The following ACACA variants were observed in gnomAD, a reference collection of about 807,000 sequenced individuals.
ACACA encodes acetyl-CoA carboxylase alpha.
ACACA carries 103 observed loss-of-function variants against 296.1 expected under a neutral mutation model. The observed-to-expected ratio is 0.35, with a 90% CI of 0.30 to 0.41. The LOEUF is 0.41. ACACA is among the 10% of genes least tolerant of loss of function. The pLI is 1.00. For missense variants in ACACA, 1,554 were observed against 2,989.7 expected (o/e 0.52, Z 11.20); for synonymous variants, 953 against 1,038.6 (o/e 0.92, Z 1.58).
chr17:37,089,889 G>A (rs888808341), intron 54 of ACACA, among the ~76,000 whole-genome samples: 1 of 152,076 alleles, frequency 6.6e-6, no homozygotes, highest in Non-Finnish European at 1.5e-5. Flanking sequence ...GAATCGTTTT[G>A]TTAATGGTTT....
intron 45 of ACACA, among the ~76,000 whole-genome samples, chr17:37,137,335 G>C (rs962655971): frequency 1.2e-4 from 18 of 152,188 alleles, no homozygotes; most frequent in Non-Finnish European, 2.5e-4. Context: ...GCTCTTAGGG[G>C]AGTAGCACTG....
intron 41 of ACACA, among the ~76,000 whole-genome samples, chr17:37,169,129 T>C (rs888060676): frequency 1.3e-5 from 2 of 152,182 alleles, no homozygotes; most frequent in African/African-American, 2.4e-5. Flanking sequence ...TAGGAACACA[T>C]GGTGTCAACA....
At chr17:37,320,737 A>C (rs2047316897) in intron 3 of ACACA, among the ~76,000 whole-genome samples, 1 of 151,902 alleles carries the variant, frequency 6.6e-6, no homozygotes, top group Admixed American at 6.6e-5. Flanking sequence ...ACCTGAGGTC[A>C]GGGGTTCGAG....
At position 37,113,162 on chromosome 17, in the gene ACACA, C is replaced by T. The variant is rs1357103825; in HGVS notation, c.6378G>A (p.Arg2126=). 2 of 1,614,058 alleles carry T rather than the reference C, an allele frequency of 1.2e-6. No homozygotes were observed. Among genetic ancestry groups the T allele is most frequent in the African/African-American group, 2.7e-5 (2 of 74,928 alleles). The change falls in exon 51 of 56, where the codon CGG becomes CGA. Residue 2126 remains arginine, a synonymous_variant. Coordinates refer to ENST00000616317, the MANE Select transcript of ACACA (RefSeq NM_198834.3). The surrounding 1 kb of genome is among the most constrained non-coding windows in gnomAD (Gnocchi z 4.0). ...AGTCAATCACCACCCAGGAGCCACC[C>T]CGCAGCTCAGCCTGGGGAGGAATGT... ...LVYIPPQAEL[R]GGSWVVIDSS...
chr17:37,354,570 T>C (rs767439109), intron 1 of ACACA, among the ~76,000 whole-genome samples: 12 of 152,196 alleles, frequency 7.9e-5, no homozygotes, highest in Non-Finnish European at 1.6e-4. Flanking sequence ...ACCTGTTTAA[T>C]ATCACCTTCA....
intron 1 of ACACA, among the ~76,000 whole-genome samples, chr17:37,343,164 G>C (rs1486300065): frequency 6.6e-6 from 1 of 151,934 alleles, no homozygotes; most frequent in Non-Finnish European, 1.5e-5. Context: ...TTTTAGTAGA[G>C]ACGGCGTTTC....
intron 10 of ACACA, among the ~76,000 whole-genome samples, chr17:37,266,831 T>C (rs894806807): frequency 9.9e-5 from 15 of 152,232 alleles, no homozygotes; most frequent in African/African-American, 3.6e-4. Context: ...AAATATATTA[T>C]TTGTCTTCCA....
At chr17:37,212,870 T>A (rs1192368263) in intron 29 of ACACA, among the ~76,000 whole-genome samples, 3 of 147,532 alleles carry the variant, frequency 2.0e-5, no homozygotes, top group Non-Finnish European at 3.0e-5. Flanking sequence ...CACACTACTG[T>A]GATACACCAG....
intron 47 of ACACA, among the ~76,000 whole-genome samples, chr17:37,127,727 C>T (rs2074860446): frequency 6.6e-6 from 1 of 151,706 alleles, no homozygotes. Context: ...ACCTTTAGTC[C>T]CAGCTGCTTA....
At chr17:37,130,849 T>C (rs752358438) in intron 45 of ACACA, among the ~76,000 whole-genome samples, 2 of 151,888 alleles carry the variant, frequency 1.3e-5, no homozygotes, top group East Asian at 3.9e-4. Flanking sequence ...TTAAAGAAAC[T>C]CTGGGGGCTT....
At position 37,181,793 on chromosome 17, in the gene ACACA, G is replaced by A. The variant is rs377111490; in HGVS notation, c.4777-437C>T. Among the ~76,000 whole-genome samples the A allele has an allele frequency of 1.6e-4, 24 of 151,048 alleles. No individual in the cohort carries two copies. The East Asian group carries it at 3.7e-3, about 23-fold the overall frequency. Reference sequence around the variant, plus strand: ...TGGGCGCCTGTAGTCCCAGCTACTCGGGAGGCTGAGGCAGGAGAATGGCGT... The same window carrying A: ...TGGGCGCCTGTAGTCCCAGCTACTCAGGAGGCTGAGGCAGGAGAATGGCGT... On this transcript the variant is annotated intron_variant, in intron 39 of 55. Coordinates refer to ENST00000616317, the MANE Select transcript of ACACA (RefSeq NM_198834.3).
chr17:37,200,579 A>C (rs2078204198), intron 33 of ACACA, 96 bp from the exon 34 acceptor site: 3 of 1,153,614 alleles, frequency 2.6e-6, no homozygotes, highest in Non-Finnish European at 3.9e-6. Context: ...GGTGGAGTTA[A>C]ACATCCTTTT....
chr17:37,181,101 C>T (rs2144865739), intron 40 of ACACA, 100 bp downstream of exon 40: 1 of 1,271,864 alleles, frequency 7.9e-7, no homozygotes, highest in South Asian at 1.2e-5. Flanking sequence ...TATTTCTTGC[C>T]CTTTGGAGTG....
At chr17:37,213,348 C>CAAAAA (rs11353673) in intron 29 of ACACA, among the ~76,000 whole-genome samples, 1 of 78,614 alleles carries the variant, frequency 1.3e-5, no homozygotes. Flanking sequence ...AAGTAAGTCT[C>CAAAAA]AAAAAAAAAA....
At chr17:37,189,287 A>T (rs2077656433) in intron 38 of ACACA, among the ~76,000 whole-genome samples, 1 of 152,220 alleles carries the variant, frequency 6.6e-6, no homozygotes, top group South Asian at 2.1e-4. Flanking sequence ...TTCGAACTTA[A>T]TGTATCCTTA....
intron 23 of ACACA, among the ~76,000 whole-genome samples, chr17:37,240,889 T>C (rs1462203678): frequency 1.3e-5 from 2 of 152,150 alleles, no homozygotes; most frequent in African/African-American, 4.8e-5. Flanking sequence ...ATAAGTATCT[T>C]AAAGTTAAAA....
Position 37,256,220 on chromosome 17 carries a change from G to C in ACACA, c.1826+1483C>G, listed in dbSNP as rs529711832. Reference sequence around the variant, plus strand: ...CCATCAAAACACATCTGTATGTTGAGACTCACCAGAAAGCCAACAATTTGC... The same window carrying C: ...CCATCAAAACACATCTGTATGTTGACACTCACCAGAAAGCCAACAATTTGC... On this transcript the variant is annotated intron_variant, in intron 14 of 55. Coordinates refer to ENST00000616317, the MANE Select transcript of ACACA (RefSeq NM_198834.3). Among the ~76,000 whole-genome samples the C allele has an allele frequency of 2.6e-5, 4 of 152,180 alleles. No individual in the cohort carries two copies. The South Asian group carries it at 8.3e-4, about 32-fold the overall frequency.
chr17:37,301,344 T>G, intron 3 of ACACA: 1 of 983,434 alleles, frequency 1.0e-6, no homozygotes, highest in Non-Finnish European at 1.2e-6. Flanking sequence ...ATCCCCCTTT[T>G]AATCTACCAT....
intron 30 of ACACA, among the ~76,000 whole-genome samples, chr17:37,208,756 A>G (rs539438461): frequency 1.4e-4 from 21 of 152,348 alleles, no homozygotes; most frequent in African/African-American, 4.6e-4. Context: ...TGAATGCTCA[A>G]TCAGGACAGC....
Sources: gnomAD v4.1 joint callset for allele counts (sites outside exome capture counted in the v4.1 genomes callset) on GRCh38, gnomAD v4.1.1 for gene constraint, Gnocchi (gnomAD v3.1) non-coding constraint, MANE v1.5 for transcripts, NCBI Gene and HGNC (gene_info 2026-07-23, HGNC 2026-07-21) for gene names.